APBA2: variants seen among roughly 807,000 people sequenced by gnomAD.
APBA2 encodes the protein amyloid-beta A4 precursor protein-binding family A member 2.
APBA2 carries 30 observed loss-of-function variants against 75.0 expected under a neutral mutation model. The observed-to-expected ratio is 0.40, with a 90% CI of 0.30 to 0.54. APBA2 has a LOEUF of 0.54. APBA2 is among the 20% of genes least tolerant of loss of function. The probability of loss-of-function intolerance (pLI) is 0.49; values close to 1 mark genes in which losing one functional copy is unlikely to be tolerated. For synonymous variants in APBA2, 444 were observed against 409.6 expected (o/e 1.08, Z -1.01); for missense variants, 801 against 1,016.1 (o/e 0.79, Z 2.88).
At chr15:28,983,352 G>C (rs144580055) in intron 2 of APBA2, among the ~76,000 whole-genome samples, 7 of 152,202 alleles carry the variant, frequency 4.6e-5, no homozygotes, top group African/African-American at 1.7e-4. Context: ...TGTATTTGTG[G>C]TGTGTGTGTG....
chr15:29,015,203 G>C (rs2039597662), intron 3 of APBA2, among the ~76,000 whole-genome samples: 1 of 152,210 alleles, frequency 6.6e-6, no homozygotes, highest in Admixed American at 6.5e-5. Flanking sequence ...GTTTCTGAGT[G>C]CTGTTGGAGC....
chr15:29,060,930 C>A (rs1331394199), intron 4 of APBA2, among the ~76,000 whole-genome samples: 2 of 152,102 alleles, frequency 1.3e-5, no homozygotes, highest in Admixed American at 6.6e-5. Flanking sequence ...GGAGGGAGGA[C>A]CCCAGCTGGG....
intron 2 of APBA2, among the ~76,000 whole-genome samples, chr15:28,971,388 T>G (rs1356073941): frequency 6.6e-6 from 1 of 152,126 alleles, no homozygotes; most frequent in Non-Finnish European, 1.5e-5. Flanking sequence ...AACCTCTGTT[T>G]CCACCCAAGA....
chr15:29,048,771 TA>T (rs938995204), intron 3 of APBA2, among the ~76,000 whole-genome samples: 12 of 147,244 alleles, frequency 8.1e-5, no homozygotes, highest in South Asian at 2.2e-4. Context: ...ACATCTCTAC[TA>T]AAAAAAAAAT....
In APBA2 at chr15:29,108,518, C is replaced by G. The variant is rs764084982; in HGVS notation, c.2037+129C>G. ...GACCTGGCCTGTGGTTGCAGCTGCC[C>G]ACAGCCAGGCCACCTGGGGCAGGAA... On this transcript the variant is annotated intron_variant, in intron 13 of 14. Coordinates refer to ENST00000683413, the MANE Select transcript of APBA2 (RefSeq NM_001353788.2). 37 of 1,445,392 alleles carry G rather than the reference C, an allele frequency of 2.6e-5. 1 individual carries two copies. Among genetic ancestry groups the G allele is most frequent in the Non-Finnish European group, 3.8e-6 (4 of 1,050,450 alleles). The allele number at this position is 1,445,392 out of a possible 1,614,324, so 89.5% of individuals were successfully genotyped here. A position where few individuals can be genotyped will look rare whatever the true frequency, so the allele number is the denominator to read the frequency against.
rs568715616 is a variant in APBA2, at chr15:29,105,176, A to G, written c.1525-203A>G. ...TTCAGGGCAACACTGGGGTTCGCTCACGGTGGAGTGCTGGTGGGAGACAGC... is the reference window on the plus strand; with the variant it reads ...TTCAGGGCAACACTGGGGTTCGCTCGCGGTGGAGTGCTGGTGGGAGACAGC... On this transcript the variant is annotated intron_variant, in intron 10 of 14. Transcript: ENST00000683413. Among the ~76,000 whole-genome samples, 75 of 152,332 alleles carry G rather than the reference A, an allele frequency of 4.9e-4. 2 individuals carry two copies. In the South Asian group the frequency reaches 0.016, roughly 32 times the overall value.
intron 2 of APBA2, among the ~76,000 whole-genome samples, chr15:28,977,892 C>T (rs2152762232): frequency 6.6e-6 from 1 of 152,300 alleles, no homozygotes; most frequent in Non-Finnish European, 1.5e-5. Flanking sequence ...ACATACCTAT[C>T]TGCGCCCATC....
intron 3 of APBA2, among the ~76,000 whole-genome samples, chr15:29,000,622 G>T (rs1008532626): frequency 1.3e-5 from 2 of 152,168 alleles, no homozygotes; most frequent in South Asian, 4.2e-4. Context: ...ACAGGGTCTT[G>T]CTCTATTGCC....
chr15:29,077,098 C>T (rs753288556), intron 6 of APBA2, among the ~76,000 whole-genome samples: 15 of 152,160 alleles, frequency 9.9e-5, no homozygotes, highest in Non-Finnish European at 1.3e-4. Context: ...GACTTGGTTC[C>T]ATTTTGACCA....
chr15:29,016,229 C>G (rs1028766247), intron 3 of APBA2, among the ~76,000 whole-genome samples: 9 of 152,130 alleles, frequency 5.9e-5, no homozygotes, highest in Admixed American at 6.5e-5. Flanking sequence ...TGCACTCCAG[C>G]CTGGAGACAG....
Position 29,054,629 on chromosome 15 carries a change from A to T in APBA2, c.745A>T (p.Ser249Cys), listed in dbSNP as rs757640707. Residue 249 changes from serine to cysteine, a missense_variant, in exon 4 of 15, where the codon AGC (serine) becomes TGC (cysteine). Coordinates refer to ENST00000683413, the MANE Select transcript of APBA2 (RefSeq NM_001353788.2). The surrounding 1 kb of genome is among the most constrained non-coding windows in gnomAD (Gnocchi z 6.1). ...CAGCATCACCAGCGCCAGTGAGGCC[A>T]GCCCCGAGCATGGGCCTGAGCCAGG... is the stretch of plus-strand genomic sequence containing the variant. Reference protein sequence around the residue: ...MTSITSASEASPEHGPEPGPE... With the variant: ...MTSITSASEACPEHGPEPGPE... 6.2e-7 allele frequency: 1 copy of T among 1,614,200 alleles called. No homozygotes were observed. The highest frequency in any genetic ancestry group is 1.7e-5 in the Admixed American group (1 of 60,024).
chr15:29,037,851 A>G (rs11853379), intron 3 of APBA2, among the ~76,000 whole-genome samples: 38,833 of 152,154 alleles, frequency 0.26, 8,029 homozygotes, highest in African/African-American at 0.57. Flanking sequence ...GATAGGGGCT[A>G]AACTTAACCT....
intron 2 of APBA2, among the ~76,000 whole-genome samples, chr15:28,937,782 G>A (rs2034961779): frequency 6.6e-6 from 1 of 151,916 alleles, no homozygotes; most frequent in South Asian, 2.1e-4. Context: ...TCAGCCTCCC[G>A]AGTAGCTGGG....
rs3816856 is a variant in APBA2 at position 29,107,027 on chromosome 15, G to A, written c.1917+208G>A. ...CATGTCTGAATCAGAGGTGGACCCG[G>A]GCTGGCCTGGGGTGGGAAGGGAGGG... On this transcript the variant is annotated intron_variant, in intron 12 of 14. Coordinates refer to ENST00000683413, the MANE Select transcript of APBA2 (RefSeq NM_001353788.2). Among the ~76,000 whole-genome samples the A allele has an allele frequency of 4.9e-3, 740 of 152,326 alleles. 16 individuals carry two copies. The highest frequency in any genetic ancestry group is 0.032 in the East Asian group (163 of 5,158).
chr15:29,054,221 G>A lies in APBA2; in HGVS notation c.337G>A (p.Gly113Ser). 1 of 1,614,148 alleles carries A rather than the reference G, an allele frequency of 6.2e-7. No individual in the cohort carries two copies. Among genetic ancestry groups the A allele is most frequent in the Non-Finnish European group, 8.5e-7 (1 of 1,180,016 alleles). The change falls in exon 4 of 15, where the codon GGC (glycine) becomes AGC (serine). Residue 113 changes from glycine (G) to serine (S), a missense_variant. Physicochemically the swap from Gly to Ser is moderately conservative, Grantham distance 56. Around this residue, in one of 2 missense-constraint regions of APBA2, gnomAD observed 434 missense variants for 471.6 expected, o/e 0.92. Transcript: ENST00000683413. This position sits in a 1 kb window ranked among gnomAD's most constrained non-coding sequence, Gnocchi z 6.1. The part of the protein sequence containing the change: ...YCPEDDSYLE[G>S]MDCNGEEYLA... Reference sequence around the variant, plus strand: ...CCCTGAGGACGACAGCTACCTAGAGGGCATGGACTGCAACGGGGAGGAGTA... The same window carrying A: ...CCCTGAGGACGACAGCTACCTAGAGAGCATGGACTGCAACGGGGAGGAGTA...
In APBA2 at chr15:29,054,327, A is replaced by C. The variant is rs78253846; in HGVS notation, c.443A>C (p.His148Pro). Residue 148 changes from histidine to proline, a missense_variant, in exon 4 of 15, where the codon CAC becomes CCC. Coordinates refer to ENST00000683413, the MANE Select transcript of APBA2 (RefSeq NM_001353788.2). This position sits in a 1 kb window ranked among gnomAD's most constrained non-coding sequence, Gnocchi z 6.1. The part of the protein sequence containing the change: ...VEEWTDSAGP[H>P]PHGHEAEGSQ... ...GAGTGGACGGACTCGGCGGGCCCGC[A>C]CCCCCACGGCCACGAGGCTGAAGGC... is the stretch of plus-strand genomic sequence containing the variant. The C allele has an allele frequency of 6.2e-7, 1 of 1,613,428 alleles. No homozygotes were observed. Among genetic ancestry groups the C allele is most frequent in the East Asian group, 2.2e-5 (1 of 44,810 alleles).
intron 2 of APBA2, among the ~76,000 whole-genome samples, chr15:28,944,331 C>T (rs988434747): frequency 9.2e-5 from 14 of 152,196 alleles, no homozygotes; most frequent in African/African-American, 3.4e-4. Context: ...TACGCTCAGT[C>T]ACCCCAGAAA....
intron 3 of APBA2, among the ~76,000 whole-genome samples, chr15:29,033,338 G>T (rs931946185): frequency 6.6e-6 from 1 of 152,120 alleles, no homozygotes; most frequent in Non-Finnish European, 1.5e-5. Context: ...AACAGGAATG[G>T]TCTTACCCAT....
chr15:29,034,170 T>C (rs1267084150), intron 3 of APBA2, among the ~76,000 whole-genome samples: 1 of 152,096 alleles, frequency 6.6e-6, no homozygotes, highest in African/African-American at 2.4e-5. Flanking sequence ...TATGTAGGTA[T>C]GATGCATGAT....
Sources: allele counts gnomAD v4.1 joint callset (sites outside exome capture counted in the v4.1 genomes callset), GRCh38; gene constraint gnomAD v4.1.1; regional missense constraint gnomAD v4.1.1; non-coding constraint Gnocchi (gnomAD v3.1); transcripts MANE v1.5; gene names NCBI Gene and HGNC (gene_info 2026-07-23, HGNC 2026-07-21).